Variants in FRMD5 observed in about 807,000 individuals in gnomAD.
The protein encoded by FRMD5 is FERM domain-containing protein 5.
FRMD5 carries 20 observed loss-of-function variants against 69.0 expected under a neutral mutation model. The observed-to-expected ratio is 0.29, with a 90% CI of 0.20 to 0.42. The LOEUF is 0.42. Among genes scored for constraint, FRMD5 ranks in the 10% least tolerant of loss-of-function variants. The pLI is 1.00. For synonymous variants in FRMD5, 271 were observed against 260.1 expected (o/e 1.04, Z -0.40); for missense variants, 595 against 708.6 (o/e 0.84, Z 1.82).
intron 1 of FRMD5, among the ~76,000 whole-genome samples, chr15:44,188,117 G>C (rs2463448): frequency 0.11 from 16,469 of 152,058 alleles, 2,015 homozygotes; most frequent in African/African-American, 0.31. Context: ...GCGTCAAGTT[G>C]TGAACAAAAT....
intron 1 of FRMD5, among the ~76,000 whole-genome samples, chr15:44,045,842 C>T (rs940096134): frequency 6.6e-6 from 1 of 152,146 alleles, no homozygotes; most frequent in African/African-American, 2.4e-5. Flanking sequence ...CAGGTCAAAG[C>T]ACTATCTGAC....
chr15:44,022,977 G>A (rs143888042), intron 1 of FRMD5, among the ~76,000 whole-genome samples: 1 of 152,300 alleles, frequency 6.6e-6, no homozygotes, highest in East Asian at 1.9e-4. Flanking sequence ...AGAACATGGT[G>A]ATTTGGAAAA....
chr15:44,177,406 T>C (rs1167748127), intron 1 of FRMD5, among the ~76,000 whole-genome samples: 2 of 152,162 alleles, frequency 1.3e-5, no homozygotes, highest in Non-Finnish European at 2.9e-5. Context: ...AAAGCATTCA[T>C]GTTACTACAT....
At chr15:43,929,738 G>A (rs902978486) in intron 1 of FRMD5, among the ~76,000 whole-genome samples, 4 of 152,194 alleles carry the variant, frequency 2.6e-5, no homozygotes, top group South Asian at 2.1e-4. Flanking sequence ...GAGGCCTGCC[G>A]GGGAAGAAAC....
chr15:44,031,269 C>T (rs539059678), intron 1 of FRMD5, among the ~76,000 whole-genome samples: 6 of 152,180 alleles, frequency 3.9e-5, no homozygotes, highest in African/African-American at 1.4e-4. Context: ...AAAAGCCACA[C>T]ACAACTGGAT....
At chr15:44,180,919 A>G (rs1365835852) in intron 1 of FRMD5, among the ~76,000 whole-genome samples, 1 of 152,256 alleles carries the variant, frequency 6.6e-6, no homozygotes, top group Non-Finnish European at 1.5e-5. Context: ...AGAATAAAAT[A>G]TTGACATAAA....
intron 1 of FRMD5, among the ~76,000 whole-genome samples, chr15:44,036,353 A>AT (rs2140300167): frequency 2.0e-5 from 3 of 151,770 alleles, no homozygotes; most frequent in African/African-American, 7.2e-5. Context: ...TTATCTTCAA[A>AT]TTAAAAAAAA....
rs565392576 is a variant in FRMD5, at chr15:44,048,851, C to T, written c.103-124542G>A. Among the ~76,000 whole-genome samples the T allele has an allele frequency of 6.6e-5, 10 of 152,262 alleles. No homozygotes were observed. The East Asian group carries it at 1.9e-3, about 29-fold the overall frequency. On this transcript the variant is annotated intron_variant, in intron 1 of 13. Coordinates refer to ENST00000417257, the MANE Select transcript of FRMD5 (RefSeq NM_032892.5). ...CCTCCCAAAGTGCTGGAATTATAGG[C>T]GTGAGCCACCATGCCCGGCCTCATT...
chr15:44,176,673 A>G (rs1419027116), intron 1 of FRMD5, among the ~76,000 whole-genome samples: 1 of 152,188 alleles, frequency 6.6e-6, no homozygotes, highest in African/African-American at 2.4e-5. Context: ...ATAAATTCTT[A>G]TAACTCAACA....
At chr15:44,016,278 T>C (rs1308750334) in intron 1 of FRMD5, among the ~76,000 whole-genome samples, 1 of 152,216 alleles carries the variant, frequency 6.6e-6, no homozygotes, top group Non-Finnish European at 1.5e-5. Flanking sequence ...TAGTGGGAAT[T>C]ATACCACTGA....
intron 1 of FRMD5, among the ~76,000 whole-genome samples, chr15:44,061,911 A>G (rs887386869): frequency 6.6e-6 from 1 of 152,216 alleles, no homozygotes; most frequent in Non-Finnish European, 1.5e-5. Context: ...TTGCTGAACA[A>G]ATGAAGTGTA....
rs113743060 is a variant in FRMD5, at chr15:44,048,517, A to T, written c.103-124208T>A. Among the ~76,000 whole-genome samples, 1,127 of 151,372 alleles carry T rather than the reference A, an allele frequency of 7.4e-3. 20 individuals are homozygous for T. The highest frequency in any genetic ancestry group is 0.026 in the African/African-American group (1,078 of 41,286). ...CTCCCATTTTGTGGGTTGTCTTTTT[A>T]CTTTCTTGGTGACATTTGCAGCACA... On this transcript the variant is annotated intron_variant, in intron 1 of 13. Coordinates refer to ENST00000417257, the MANE Select transcript of FRMD5 (RefSeq NM_032892.5).
intron 7 of FRMD5, among the ~76,000 whole-genome samples, chr15:43,900,359 A>G (rs949552890): frequency 6.6e-6 from 1 of 152,204 alleles, no homozygotes; most frequent in Admixed American, 6.5e-5. Context: ...GCTAATGTGT[A>G]AATATCCAAA....
rs752569523 is a variant in FRMD5 at position 44,179,842 on chromosome 15, G to C, written c.102+15111C>G. The stretch of plus-strand genomic sequence containing the variant: ...TAATCAGTGCCAGGCATTTAACACA[G>C]TTCTCTCAATTCACTCCAAGTTATC... On this transcript the variant is annotated intron_variant, in intron 1 of 13. Coordinates refer to ENST00000417257, the MANE Select transcript of FRMD5 (RefSeq NM_032892.5). Among the ~76,000 whole-genome samples the C allele has an allele frequency of 3.3e-5, 5 of 152,160 alleles. No homozygotes were observed. The South Asian group carries it at 8.3e-4, about 25-fold the overall frequency.
chr15:43,880,536 T>TAC (rs1324622735), intron 13 of FRMD5, among the ~76,000 whole-genome samples: 4 of 152,250 alleles, frequency 2.6e-5, no homozygotes, highest in Admixed American at 2.0e-4. Flanking sequence ...TAAAGCCATT[T>TAC]AATTGCTACA....
intron 1 of FRMD5, among the ~76,000 whole-genome samples, chr15:44,072,011 G>A (rs144444859): frequency 0.015 from 2,276 of 151,968 alleles, 36 homozygotes; most frequent in Non-Finnish European, 0.022. Context: ...GATTACAGGC[G>A]CCCACCACCA....
intron 1 of FRMD5, among the ~76,000 whole-genome samples, chr15:44,187,493 A>C (rs1307539191): frequency 6.6e-6 from 1 of 152,102 alleles, no homozygotes; most frequent in African/African-American, 2.4e-5. Context: ...TAACTTTTCC[A>C]CTTAGAAGTA....
chr15:43,895,797 T>C (rs1014776531), intron 7 of FRMD5, among the ~76,000 whole-genome samples: 3 of 152,172 alleles, frequency 2.0e-5, no homozygotes, highest in Admixed American at 2.0e-4. Context: ...GGGACTCGAA[T>C]TACAGTGGGA....
chr15:44,039,871 C>T (rs1892110720), intron 1 of FRMD5, among the ~76,000 whole-genome samples: 1 of 152,054 alleles, frequency 6.6e-6, no homozygotes, highest in Non-Finnish European at 1.5e-5. Context: ...TAATAACAAA[C>T]TCCTCTGAAC....
Sources: allele counts gnomAD v4.1 joint callset (sites outside exome capture counted in the v4.1 genomes callset), GRCh38; gene constraint gnomAD v4.1.1; transcripts MANE v1.5; gene names NCBI Gene and HGNC (gene_info 2026-07-23, HGNC 2026-07-21).